The following RAD52 variants were observed in gnomAD, a reference collection of about 807,000 sequenced individuals.
The protein encoded by RAD52 is RAD52 DNA repair protein, also known as DNA repair protein RAD52 homolog.
Under a neutral mutation model 55.5 loss-of-function variants are expected in RAD52, and 47 were observed. That is an observed-to-expected ratio of 0.85 (90% confidence interval 0.67 to 1.08). The LOEUF (loss-of-function observed/expected upper bound fraction) is 1.08. Among genes scored for constraint, RAD52 ranks in the 50% least tolerant of loss-of-function variants. The probability of loss-of-function intolerance (pLI) is 0.00; values close to 1 mark genes in which losing one functional copy is unlikely to be tolerated. For synonymous variants in RAD52, 184 were observed against 198.9 expected, an observed-to-expected ratio of 0.92 and a Z score of 0.63; for missense variants, 468 against 522.8, an observed-to-expected ratio of 0.90 and a Z score of 1.02.
At chr12:949,001 T>TA (rs1958414237) in intron 1 of RAD52, among the ~76,000 whole-genome samples, 1 of 152,064 alleles carries the variant, frequency 6.6e-6, no homozygotes, top group African/African-American at 2.4e-5. Flanking sequence ...GCCAGACCTC[T>TA]ATCTCAATGT....
intron 1 of RAD52, among the ~76,000 whole-genome samples, chr12:947,898 A>C (rs1019520426): frequency 2.7e-5 from 4 of 149,342 alleles, no homozygotes; most frequent in African/African-American, 1.0e-4. Flanking sequence ...AAAAAAAAAA[A>C]AAAACAAAAA....
chr12:926,921 T>C, intron 6 of RAD52: 8 of 1,537,392 alleles, frequency 5.2e-6, no homozygotes, highest in Non-Finnish European at 7.0e-6. Context: ...TACAGGATTC[T>C]ACCACTTACT....
rs907934457 is a variant in RAD52, at chr12:973,148, C to T, written c.-19+16661G>A. Among the ~76,000 whole-genome samples, 64 of 152,224 alleles carry T rather than the reference C, an allele frequency of 4.2e-4. 3 individuals are homozygous for T. The highest frequency in any genetic ancestry group is 3.9e-3 in the Admixed American group (59 of 15,296). On this transcript the variant is annotated intron_variant, in intron 1 of 11. Coordinates refer to the RAD52 transcript ENST00000430095. ...GCAGTGGCGCGATCTCGGCTCACTGCAAGCTCCCCCTCCCGGGTTGACACC... is the reference window on the plus strand; with the variant it reads ...GCAGTGGCGCGATCTCGGCTCACTGTAAGCTCCCCCTCCCGGGTTGACACC...
upstream of RAD52, among the ~76,000 whole-genome samples, chr12:950,110 CAG>C (rs1163688565): frequency 6.6e-6 from 1 of 152,242 alleles, no homozygotes; most frequent in Non-Finnish European, 1.5e-5. Flanking sequence ...GAATGGTTGT[CAG>C]AGACCTTCCC....
chr12:926,790 T>A, intron 6 of RAD52: 1 of 1,535,710 alleles, frequency 6.5e-7, no homozygotes, highest in Non-Finnish European at 8.7e-7. Flanking sequence ...ACGTTAACTA[T>A]GCTACCTGTG....
Position 913,904 on chromosome 12 carries a change from T to C in RAD52, c.1185A>G (p.Gln395=), listed in dbSNP as rs373361304. The C allele has an allele frequency of 3.1e-5, 50 of 1,613,836 alleles. No homozygotes were observed. The highest frequency in any genetic ancestry group is 5.3e-5 in the African/African-American group (4 of 74,916). Residue 395 remains glutamine (Q), a synonymous_variant, in exon 11 of 12, where the codon CAA becomes CAG. Coordinates refer to ENST00000358495, the MANE Select transcript of RAD52 (RefSeq NM_134424.4). ...ACACCTCTCTGCTACCTGTTGTGCG[T>C]TGGTCAGCGCTATAAGTTTGGAGGT... ...SWDLQTYSAD[Q]RTTGNWESHR...
chr12:952,288 G>C (rs1958539341), upstream of RAD52, among the ~76,000 whole-genome samples: 1 of 152,068 alleles, frequency 6.6e-6, no homozygotes, highest in African/African-American at 2.4e-5. Context: ...TTTTTAGAGA[G>C]GGGTTCTTAC....
In RAD52 at chr12:913,232, AG is replaced by A; in HGVS notation, c.*158del. 1.5e-6 allele frequency: 1 copy of A among 674,120 alleles called. No individual in the cohort carries two copies. The allele number at this position is 674,120 out of a possible 1,614,324, so 41.8% of individuals were successfully genotyped here. ...TTCAAAAGTGCTCAGCTCTAACTGC[AG>A]TGGGCTCTCAGTCAGATCCTCTTGA... On this transcript the variant is annotated 3_prime_UTR_variant, in exon 12 of 12. Transcript: ENST00000358495.
intron 1 of RAD52, among the ~76,000 whole-genome samples, chr12:985,254 T>C (rs562798653): frequency 6.6e-6 from 1 of 152,260 alleles, no homozygotes; most frequent in East Asian, 1.9e-4. Context: ...AATCCTTCTG[T>C]CTCAGCCTCA....
chr12:972,491 G>A (rs1422697807), intron 1 of RAD52, among the ~76,000 whole-genome samples: 5 of 152,108 alleles, frequency 3.3e-5, no homozygotes, highest in African/African-American at 9.7e-5. Flanking sequence ...CTTAGGCCAG[G>A]CGTGGTGGCT....
At chr12:965,907 A>G (rs995352314) in intron 1 of RAD52, among the ~76,000 whole-genome samples, 3 of 151,938 alleles carry the variant, frequency 2.0e-5, no homozygotes, top group Non-Finnish European at 2.9e-5. Flanking sequence ...GCTGATCTCG[A>G]ACTGCTGACC....
chr12:921,064 A>G (rs1428203092), intron 7 of RAD52, among the ~76,000 whole-genome samples: 2 of 152,206 alleles, frequency 1.3e-5, no homozygotes, highest in Non-Finnish European at 2.9e-5. Flanking sequence ...TAACAAGCCA[A>G]CTTAGAAGAA....
chr12:990,805 G>A (rs539559509), upstream of RAD52, among the ~76,000 whole-genome samples: 5 of 152,158 alleles, frequency 3.3e-5, no homozygotes, highest in East Asian at 9.7e-4. Flanking sequence ...GCGCCGCTTA[G>A]GTTTGGGAAG....
At chr12:940,761 C>T (rs1173717538) in intron 1 of RAD52, among the ~76,000 whole-genome samples, 2 of 152,048 alleles carry the variant, frequency 1.3e-5, no homozygotes, top group Non-Finnish European at 2.9e-5. Flanking sequence ...CCATACTTGA[C>T]TACACCTAGA....
chr12:916,890 A>C, intron 7 of RAD52, 70 bp from the exon 8 acceptor site: 1 of 1,542,432 alleles, frequency 6.5e-7, no homozygotes, highest in African/African-American at 1.4e-5. Context: ...CCTGACTCAC[A>C]GATTGCGATT....
At chr12:982,994 C>T (rs140573086) in intron 1 of RAD52, among the ~76,000 whole-genome samples, 74 of 152,126 alleles carry the variant, frequency 4.9e-4, no homozygotes, top group African/African-American at 1.7e-3. Flanking sequence ...GGGTTACAGG[C>T]GTGTGCCACC....
intron 1 of RAD52, among the ~76,000 whole-genome samples, chr12:939,877 C>A (rs1020011359): frequency 2.6e-5 from 4 of 151,354 alleles, no homozygotes; most frequent in Non-Finnish European, 5.9e-5. Flanking sequence ...GAGTTTGAGA[C>A]CAGCCTGGCC....
At chr12:914,648 C>T in intron 9 of RAD52, 116 bp from the exon 10 acceptor site, 9 of 1,242,276 alleles carry the variant, frequency 7.2e-6, no homozygotes, top group Non-Finnish European at 1.0e-5. Context: ...CACAACACCG[C>T]TTAGGGCTGC....
intron 1 of RAD52, among the ~76,000 whole-genome samples, chr12:984,318 C>T (rs1196902253): frequency 6.6e-6 from 1 of 152,056 alleles, no homozygotes; most frequent in Non-Finnish European, 1.5e-5. Flanking sequence ...GCCTCATCCT[C>T]CCGAATAGCT....
Sources: allele counts gnomAD v4.1 joint callset (sites outside exome capture counted in the v4.1 genomes callset), GRCh38; gene constraint gnomAD v4.1.1; transcripts MANE v1.5; gene names NCBI Gene and HGNC (gene_info 2026-07-23, HGNC 2026-07-21).